The following KCNIP4 variants were observed in gnomAD, a reference collection of about 807,000 sequenced individuals.
The protein encoded by KCNIP4 is Kv channel-interacting protein 4.
KCNIP4 carries 12 observed loss-of-function variants against 34.0 expected under a neutral mutation model. The observed-to-expected ratio is 0.35, with a 90% CI of 0.23 to 0.57. The LOEUF (loss-of-function observed/expected upper bound fraction) is 0.57. Among genes scored for constraint, KCNIP4 ranks in the 20% least tolerant of loss-of-function variants. KCNIP4 has a pLI of 0.83. For synonymous variants in KCNIP4, 124 were observed against 102.2 expected (o/e 1.21, Z -1.29); for missense variants, 238 against 311.7 (o/e 0.76, Z 1.78).
intron 1 of KCNIP4, among the ~76,000 whole-genome samples, chr4:21,601,420 T>C (rs1743145849): frequency 6.6e-6 from 1 of 152,018 alleles, no homozygotes; most frequent in Admixed American, 6.6e-5. Flanking sequence ...GTCCCAAATA[T>C]GCTGTTCTGC....
chr4:21,191,084 A>G (rs562527380), intron 1 of KCNIP4, among the ~76,000 whole-genome samples: 9 of 152,290 alleles, frequency 5.9e-5, no homozygotes, highest in African/African-American at 1.9e-4. Context: ...TTTGCATTCA[A>G]TTTGTCATTT....
At chr4:20,979,652 C>T (rs568613230) in intron 1 of KCNIP4, among the ~76,000 whole-genome samples, 15 of 152,038 alleles carry the variant, frequency 9.9e-5, no homozygotes, top group Non-Finnish European at 2.1e-4. Flanking sequence ...CCCGCCTCGG[C>T]CTCCCAAAGT....
intron 1 of KCNIP4, among the ~76,000 whole-genome samples, chr4:20,941,393 G>A (rs186723938): frequency 1.7e-4 from 26 of 152,280 alleles, no homozygotes; most frequent in African/African-American, 5.3e-4. Context: ...AATCCACTCC[G>A]AAGTAAAAGT....
intron 1 of KCNIP4, among the ~76,000 whole-genome samples, chr4:21,591,983 G>T (rs1048351808): frequency 6.6e-5 from 10 of 152,092 alleles, no homozygotes; most frequent in Non-Finnish European, 1.5e-4. Flanking sequence ...CTACGGTGCT[G>T]CATTGGAAGT....
intron 1 of KCNIP4, among the ~76,000 whole-genome samples, chr4:21,208,181 T>A (rs906146785): frequency 6.6e-6 from 1 of 152,208 alleles, no homozygotes; most frequent in African/African-American, 2.4e-5. Flanking sequence ...TCAAGTTTTT[T>A]CAATGCAATT....
chr4:21,630,017 ATTTT>A (rs34714303), intron 1 of KCNIP4, among the ~76,000 whole-genome samples: 102 of 120,210 alleles, frequency 8.5e-4, no homozygotes, highest in Middle Eastern at 4.2e-3. Flanking sequence ...CAGCTGGCTA[ATTTT>A]TTTTTTTTTT....
intron 1 of KCNIP4, among the ~76,000 whole-genome samples, chr4:21,497,554 G>A (rs1732952742): frequency 6.6e-6 from 1 of 151,968 alleles, no homozygotes. Context: ...TTTTAAACCT[G>A]TATTTTCATT....
chr4:21,240,100 C>T (rs1347137170), intron 1 of KCNIP4, among the ~76,000 whole-genome samples: 1 of 151,344 alleles, frequency 6.6e-6, no homozygotes, highest in Admixed American at 6.6e-5. Flanking sequence ...TGGAAACCAT[C>T]ATTCTTGGCA....
At chr4:20,822,014 T>C (rs1331696448) in intron 3 of KCNIP4, among the ~76,000 whole-genome samples, 1 of 146,976 alleles carries the variant, frequency 6.8e-6, no homozygotes, top group African/African-American at 2.7e-5. Flanking sequence ...CATAGAGAAT[T>C]CATGACTAAG....
At chr4:21,107,959 C>A (rs148216010) in intron 1 of KCNIP4, among the ~76,000 whole-genome samples, 1 of 150,958 alleles carries the variant, frequency 6.6e-6, no homozygotes, top group African/African-American at 2.5e-5. Flanking sequence ...GAGTTTCTGC[C>A]GAGAAATCTG....
At chr4:21,394,836 G>A (rs1722850916) in intron 1 of KCNIP4, among the ~76,000 whole-genome samples, 1 of 152,066 alleles carries the variant, frequency 6.6e-6, no homozygotes, top group Admixed American at 6.5e-5. Context: ...AACTGAAAAA[G>A]TCTTGATTGA....
intron 3 of KCNIP4, among the ~76,000 whole-genome samples, chr4:20,799,598 GC>G (rs1441399539): frequency 6.6e-6 from 1 of 152,118 alleles, no homozygotes; most frequent in Non-Finnish European, 1.5e-5. Context: ...TTGCTGTGCT[GC>G]TCCACCACCC....
chr4:20,879,347 C>T (rs1247819456), intron 2 of KCNIP4, among the ~76,000 whole-genome samples: 3 of 152,094 alleles, frequency 2.0e-5, no homozygotes, highest in Non-Finnish European at 2.9e-5. Context: ...TGGGAGAAGG[C>T]CATTGGCTAT....
At chr4:21,086,203 T>C (rs1746415409) in intron 1 of KCNIP4, among the ~76,000 whole-genome samples, 1 of 152,198 alleles carries the variant, frequency 6.6e-6, no homozygotes, top group South Asian at 2.1e-4. Context: ...AAGTGAAAAT[T>C]ATTTCAGTCT....
intron 1 of KCNIP4, among the ~76,000 whole-genome samples, chr4:21,225,930 C>T (rs1159408318): frequency 6.6e-6 from 1 of 152,074 alleles, no homozygotes; most frequent in African/African-American, 2.4e-5. Flanking sequence ...AAGTCTCTTC[C>T]CCCTGCTCAT....
chr4:21,058,004 GA>G (rs1358220139), intron 1 of KCNIP4, among the ~76,000 whole-genome samples: 1 of 152,160 alleles, frequency 6.6e-6, no homozygotes, highest in Non-Finnish European at 1.5e-5. Flanking sequence ...CATAGACATT[GA>G]AAATATTGGA....
intron 3 of KCNIP4, among the ~76,000 whole-genome samples, chr4:20,777,045 T>A (rs747227893): frequency 5.9e-5 from 9 of 152,046 alleles, no homozygotes; most frequent in Admixed American, 1.3e-4. Context: ...GGAGGCGGGG[T>A]CTTTGGGAGG....
At chr4:20,921,509 ATTTG>A (rs1729388071) in intron 1 of KCNIP4, among the ~76,000 whole-genome samples, 3 of 152,186 alleles carry the variant, frequency 2.0e-5, no homozygotes, top group African/African-American at 7.2e-5. Context: ...TTGTCAGATT[ATTTG>A]TTTATTATGT....
intron 1 of KCNIP4, among the ~76,000 whole-genome samples, chr4:21,026,062 T>G (rs1046991920): frequency 2.0e-5 from 3 of 151,782 alleles, no homozygotes; most frequent in African/African-American, 7.3e-5. Context: ...TCATGAAGAG[T>G]GTAATAAAGG....
Sources: allele counts gnomAD v4.1 joint callset (sites outside exome capture counted in the v4.1 genomes callset), GRCh38; gene constraint gnomAD v4.1.1; transcripts MANE v1.5; gene names NCBI Gene and HGNC (gene_info 2026-07-23, HGNC 2026-07-21).